KIAA0825: variants seen among roughly 807,000 people sequenced by gnomAD.
KIAA0825 encodes uncharacterized protein KIAA0825.
In KIAA0825, 119 loss-of-function variants were observed where a neutral mutation model predicts 147.6. The observed-to-expected ratio is 0.81, with a 90% CI of 0.69 to 0.94. The LOEUF (loss-of-function observed/expected upper bound fraction) is 0.94, where lower values mean the gene tolerates loss of function less well. Among genes scored for constraint, KIAA0825 ranks in the 40% least tolerant of loss-of-function variants. KIAA0825 has a pLI of 0.00. For synonymous variants in KIAA0825, 470 were observed against 518.1 expected (o/e 0.91, Z 1.26); for missense variants, 1,381 against 1,472.7 (o/e 0.94, Z 1.02).
At chr5:94,304,513 G>A (rs1295648351) in intron 20 of KIAA0825, among the ~76,000 whole-genome samples, 2 of 151,956 alleles carry the variant, frequency 1.3e-5, no homozygotes, top group African/African-American at 2.4e-5. Context: ...CAGAAGACTC[G>A]CCGAATCTCA....
intron 16 of KIAA0825, among the ~76,000 whole-genome samples, chr5:94,402,579 A>T (rs17083642): frequency 0.057 from 8,684 of 151,962 alleles, 809 homozygotes; most frequent in African/African-American, 0.2. Flanking sequence ...TAAGGTCACA[A>T]TATTTAGGAT....
intron 20 of KIAA0825, among the ~76,000 whole-genome samples, chr5:94,345,032 A>G (rs1782836505): frequency 6.6e-6 from 1 of 152,182 alleles, no homozygotes; most frequent in Non-Finnish European, 1.5e-5. Context: ...CTGCTGAACT[A>G]TACAGTTTAA....
intron 1 of KIAA0825, among the ~76,000 whole-genome samples, chr5:94,596,404 T>C (rs1193145864): frequency 6.6e-6 from 1 of 152,174 alleles, no homozygotes; most frequent in African/African-American, 2.4e-5. Flanking sequence ...TGTGTGGCCT[T>C]ATTTCTGGGC....
At chr5:94,386,545 T>C in intron 18 of KIAA0825, 141 bp from the exon 19 acceptor site, 1 of 673,016 alleles carries the variant, frequency 1.5e-6, no homozygotes, top group Non-Finnish European at 2.5e-6. Context: ...AGAATATATT[T>C]TCAGAAGATA....
chr5:94,539,271 A>C (rs986144163), intron 2 of KIAA0825, among the ~76,000 whole-genome samples: 3 of 152,276 alleles, frequency 2.0e-5, no homozygotes, highest in African/African-American at 7.2e-5. Flanking sequence ...AATAATCATA[A>C]AAATGGGCAA....
At chr5:94,300,418 T>C (rs2150178982) in intron 20 of KIAA0825, among the ~76,000 whole-genome samples, 1 of 152,254 alleles carries the variant, frequency 6.6e-6, no homozygotes, top group East Asian at 1.9e-4. Context: ...TTATTTGAAT[T>C]AAATTTACTT....
At chr5:94,463,366 G>A (rs1027674820) in intron 11 of KIAA0825, among the ~76,000 whole-genome samples, 7 of 148,718 alleles carry the variant, frequency 4.7e-5, no homozygotes, top group Non-Finnish European at 8.9e-5. Flanking sequence ...TGACATTTTG[G>A]TCTCAAATTT....
intron 6 of KIAA0825, 72 bp downstream of exon 6, chr5:94,484,696 TC>T: frequency 9.7e-7 from 1 of 1,031,016 alleles, no homozygotes; most frequent in Non-Finnish European, 1.3e-6. Context: ...GTAATCGTTT[TC>T]ATTCAAAGCA....
rs545361375 is a variant in KIAA0825, at chr5:94,375,126, G to C, written c.3710+9242C>G. ...GGCTCACTGCAACCTCTGCCTCCAG[G>C]GTTCAAGTGATTCTCCTGCCTCAGC... is the stretch of plus-strand genomic sequence containing the variant. On this transcript the variant is annotated intron_variant, in intron 20 of 20. Coordinates refer to ENST00000682413, the MANE Select transcript of KIAA0825 (RefSeq NM_001145678.3). Among the ~76,000 whole-genome samples, 9 of 150,822 alleles carry C rather than the reference G, an allele frequency of 6.0e-5. No homozygotes were observed. The East Asian group carries it at 1.8e-3, about 29-fold the overall frequency.
chr5:94,612,828 G>A (rs1789250245), intron 1 of KIAA0825, among the ~76,000 whole-genome samples: 1 of 152,146 alleles, frequency 6.6e-6, no homozygotes, highest in African/African-American at 2.4e-5. Context: ...CATAGTTAGA[G>A]CCACAGACCC....
intron 1 of KIAA0825, chr5:94,592,687 A>C: frequency 3.6e-6 from 1 of 278,820 alleles, no homozygotes; most frequent in Non-Finnish European, 6.9e-6. Flanking sequence ...ACGAAGGAAA[A>C]ACAGTTCCTT....
At chr5:94,373,602 T>C (rs1747069769) in intron 20 of KIAA0825, among the ~76,000 whole-genome samples, 1 of 151,906 alleles carries the variant, frequency 6.6e-6, no homozygotes, top group Non-Finnish European at 1.5e-5. Context: ...AACCATCAGA[T>C]CTCATAAGAA....
intron 13 of KIAA0825, among the ~76,000 whole-genome samples, chr5:94,449,643 C>A (rs1298662610): frequency 6.6e-6 from 1 of 152,122 alleles, no homozygotes; most frequent in Non-Finnish European, 1.5e-5. Flanking sequence ...ATAACAACAG[C>A]TGGACATATA....
intron 3 of KIAA0825, among the ~76,000 whole-genome samples, chr5:94,525,114 C>G (rs1769019351): frequency 6.6e-6 from 1 of 151,708 alleles, no homozygotes; most frequent in South Asian, 2.1e-4. Context: ...GCTGAAACAC[C>G]TCACCAAAAA....
intron 20 of KIAA0825, among the ~76,000 whole-genome samples, chr5:94,196,007 C>T (rs1190621151): frequency 6.6e-6 from 1 of 152,128 alleles, no homozygotes; most frequent in African/African-American, 2.4e-5. Context: ...AGGAGGGTTG[C>T]TTCCAGGCTG....
At chr5:94,207,790 C>T (rs1225452860) in intron 20 of KIAA0825, among the ~76,000 whole-genome samples, 2 of 152,116 alleles carry the variant, frequency 1.3e-5, no homozygotes, top group Admixed American at 6.6e-5. Context: ...TACAGGGGGG[C>T]TCGCAGTCAA....
At chr5:94,581,476 C>A (rs896282975) in intron 2 of KIAA0825, among the ~76,000 whole-genome samples, 1 of 152,120 alleles carries the variant, frequency 6.6e-6, no homozygotes, top group Non-Finnish European at 1.5e-5. Context: ...GAAAAGTTGA[C>A]ATTAAGGTTG....
chr5:94,352,459 A>G (rs752953307), intron 20 of KIAA0825, among the ~76,000 whole-genome samples: 7 of 152,222 alleles, frequency 4.6e-5, no homozygotes, highest in Non-Finnish European at 8.8e-5. Flanking sequence ...GAACACTTCT[A>G]CACTGCTGGT....
chr5:94,205,268 CATATATATATATAT>C lies in KIAA0825; in HGVS notation c.3711-51158_3711-51145del, dbSNP rs5869623. On this transcript the variant is annotated intron_variant, in intron 20 of 20. Coordinates refer to ENST00000682413, the MANE Select transcript of KIAA0825 (RefSeq NM_001145678.3). ...ACTATGATTTCTGTGACTATTTAATCATATATATATATATATATATATATATATATATTTTGTTT... is the reference window on the plus strand; with the variant it reads ...ACTATGATTTCTGTGACTATTTAATCATATATATATATATATATTTTGTTT... Among the ~76,000 whole-genome samples the C allele has an allele frequency of 8.9e-5, 8 of 90,294 alleles. 1 individual carries two copies. The highest frequency in any genetic ancestry group is 7.8e-4 in the South Asian group (2 of 2,554). 59.2% of individuals were successfully genotyped at this position (90,294 alleles called of 152,430 possible). A position where few individuals can be genotyped will look rare whatever the true frequency, so the allele number is the denominator to read the frequency against.
Sources: allele counts gnomAD v4.1 joint callset (sites outside exome capture counted in the v4.1 genomes callset), GRCh38; gene constraint gnomAD v4.1.1; transcripts MANE v1.5; gene names NCBI Gene and HGNC (gene_info 2026-07-23, HGNC 2026-07-21).